Variants in PSD3 observed in about 807,000 individuals in gnomAD.
PSD3 encodes the protein PH and SEC7 domain-containing protein 3.
A neutral mutation model predicts 105.5 loss-of-function variants in PSD3; 49 were observed. The observed-to-expected ratio is 0.46, with a 90% CI of 0.37 to 0.59. The LOEUF (loss-of-function observed/expected upper bound fraction) is 0.59. Ranked by LOEUF, PSD3 falls within the 20% of genes least tolerant of loss-of-function variation. The probability of loss-of-function intolerance (pLI) is 0.00; values close to 1 mark genes in which losing one functional copy is unlikely to be tolerated. For missense variants in PSD3, 1,561 were observed against 1,263.8 expected (o/e 1.24, Z -3.57); for synonymous variants, 557 against 457.8 (o/e 1.22, Z -2.77).
intron 8 of PSD3, among the ~76,000 whole-genome samples, chr8:18,772,271 G>A (rs1487223976): frequency 6.6e-6 from 1 of 152,116 alleles, no homozygotes; most frequent in Non-Finnish European, 1.5e-5. Context: ...TGTATCACAT[G>A]ATAGTTATAT....
intron 8 of PSD3, among the ~76,000 whole-genome samples, chr8:18,768,396 G>A (rs1381053956): frequency 1.5e-4 from 23 of 152,108 alleles, no homozygotes; most frequent in Admixed American, 1.3e-3. Context: ...ACTTGAGCCT[G>A]GGAGATCAAG....
chr8:18,933,596 T>C (rs147438500), intron 2 of PSD3, among the ~76,000 whole-genome samples: 2,036 of 152,084 alleles, frequency 0.013, 43 homozygotes, highest in African/African-American at 0.046. Context: ...GCCTCCCGAG[T>C]AGCTAGAATT....
At chr8:18,867,565 C>A in intron 4 of PSD3, 109 bp downstream of exon 4, 2 of 1,359,800 alleles carry the variant, frequency 1.5e-6, no homozygotes, top group Admixed American at 2.6e-5. Flanking sequence ...TTGCTTATGT[C>A]CACAGAAATT....
chr8:19,044,427 C>G (rs1828243027), intron 1 of PSD3, among the ~76,000 whole-genome samples: 1 of 152,264 alleles, frequency 6.6e-6, no homozygotes, highest in African/African-American at 2.4e-5. Flanking sequence ...CTTAATTAGT[C>G]TAAATAAATC....
intron 2 of PSD3, among the ~76,000 whole-genome samples, chr8:18,895,956 A>T (rs1489253701): frequency 6.6e-6 from 1 of 152,148 alleles, no homozygotes; most frequent in Non-Finnish European, 1.5e-5. Flanking sequence ...CTTTGGCTAT[A>T]CCTACTCCCC....
chr8:19,080,242 G>A (rs778507021), intron 1 of PSD3, among the ~76,000 whole-genome samples: 1 of 152,108 alleles, frequency 6.6e-6, no homozygotes, highest in Non-Finnish European at 1.5e-5. Flanking sequence ...TTCCCTTTCT[G>A]TATTCATAGA....
chr8:18,574,518 C>G (rs1049521709), intron 13 of PSD3, among the ~76,000 whole-genome samples: 27 of 152,168 alleles, frequency 1.8e-4, no homozygotes, highest in African/African-American at 6.0e-4. Flanking sequence ...ATAACCTCCC[C>G]CTAAAACTGG....
intron 1 of PSD3, among the ~76,000 whole-genome samples, chr8:19,079,876 G>GA (rs1391701252): frequency 1.3e-5 from 2 of 148,988 alleles, no homozygotes; most frequent in Non-Finnish European, 3.0e-5. Flanking sequence ...GATAAGCTGA[G>GA]ATAGAAGAAA....
chr8:18,755,468 A>ATAACG (rs1805956101), intron 9 of PSD3, among the ~76,000 whole-genome samples: 3 of 151,950 alleles, frequency 2.0e-5, no homozygotes, highest in Admixed American at 2.0e-4. Context: ...ATAACATAAC[A>ATAACG]TAACATAACA....
chr8:18,743,539 C>G (rs765413473), intron 9 of PSD3, among the ~76,000 whole-genome samples: 4 of 152,132 alleles, frequency 2.6e-5, no homozygotes, highest in Non-Finnish European at 5.9e-5. Flanking sequence ...GGGGAAAAGT[C>G]TCTTCCCACA....
At chr8:18,802,553 C>CA (rs1329123915) in intron 6 of PSD3, among the ~76,000 whole-genome samples, 1 of 152,080 alleles carries the variant, frequency 6.6e-6, no homozygotes, top group South Asian at 2.1e-4. Context: ...GAATGCAAGG[C>CA]AAAAATACAG....
intron 13 of PSD3, among the ~76,000 whole-genome samples, 190 bp from the exon 14 acceptor site, chr8:18,572,862 A>C (rs1802227744): frequency 6.6e-6 from 1 of 152,228 alleles, no homozygotes; most frequent in African/African-American, 2.4e-5. Context: ...AGCTATGATC[A>C]TCACAGTGCC....
intron 12 of PSD3, among the ~76,000 whole-genome samples, chr8:18,599,488 G>C (rs529185723): frequency 6.6e-6 from 1 of 152,270 alleles, no homozygotes; most frequent in East Asian, 1.9e-4. Context: ...AACGACCTAA[G>C]TGTCCACTGA....
chr8:18,839,354 A>G (rs1047911367), intron 4 of PSD3, among the ~76,000 whole-genome samples: 1 of 152,198 alleles, frequency 6.6e-6, no homozygotes, highest in Non-Finnish European at 1.5e-5. Context: ...TTTCTTAAGC[A>G]TGAAACAGGA....
chr8:18,633,740 T>C (rs1346137260), intron 10 of PSD3, among the ~76,000 whole-genome samples: 12 of 152,112 alleles, frequency 7.9e-5, no homozygotes, highest in African/African-American at 2.9e-4. Context: ...ATGTGTCTTT[T>C]TGGTGGAATG....
chr8:18,679,460 T>C (rs1438319872), intron 9 of PSD3, among the ~76,000 whole-genome samples: 3 of 152,204 alleles, frequency 2.0e-5, no homozygotes, highest in Non-Finnish European at 4.4e-5. Context: ...ACGTTTATGG[T>C]TAACATCTCC....
At chr8:18,613,141 G>A (rs915450654) in intron 11 of PSD3, among the ~76,000 whole-genome samples, 1 of 152,006 alleles carries the variant, frequency 6.6e-6, no homozygotes, top group Admixed American at 6.6e-5. Flanking sequence ...CAGTGATAGA[G>A]ACAGGAGGCA....
At chr8:19,015,783 C>T (rs558904048), upstream of PSD3, among the ~76,000 whole-genome samples, 62 of 152,262 alleles carry the variant, frequency 4.1e-4, no homozygotes, top group African/African-American at 1.5e-3. Flanking sequence ...AAGGAAAGCT[C>T]CTGGCCTATA....
At chr8:19,035,367 A>C (rs913087127) in intron 1 of PSD3, among the ~76,000 whole-genome samples, 1 of 152,222 alleles carries the variant, frequency 6.6e-6, no homozygotes, top group Non-Finnish European at 1.5e-5. Flanking sequence ...AAGCACTATG[A>C]ACATGAAAAC....
Sources: gnomAD v4.1 joint callset for allele counts (sites outside exome capture counted in the v4.1 genomes callset) on GRCh38, gnomAD v4.1.1 for gene constraint, MANE v1.5 for transcripts, NCBI Gene and HGNC (gene_info 2026-07-23, HGNC 2026-07-21) for gene names.